DNM3: variants seen among roughly 807,000 people sequenced by gnomAD.
DNM3 encodes dynamin 3.
A neutral mutation model predicts 101.6 loss-of-function variants in DNM3; 47 were observed. The ratio of observed to expected loss-of-function variants is 0.46; its 90% confidence interval spans 0.37 to 0.59. The LOEUF (loss-of-function observed/expected upper bound fraction) is 0.59, where lower values mean the gene tolerates loss of function less well. Among genes scored for constraint, DNM3 ranks in the 20% least tolerant of loss-of-function variants. The pLI, the probability that DNM3 is intolerant of heterozygous loss-of-function variation, is 0.00. For synonymous variants in DNM3, 385 were observed against 387.9 expected (o/e 0.99, Z 0.09); for missense variants, 849 against 1,085.7 (o/e 0.78, Z 3.06).
chr1:171,879,186 G>A (rs2036045231), intron 1 of DNM3, among the ~76,000 whole-genome samples: 1 of 152,152 alleles, frequency 6.6e-6, no homozygotes, highest in South Asian at 2.1e-4. Flanking sequence ...GAAAGGTGCT[G>A]TTTTAGTTGT....
chr1:172,342,276 T>G (rs1037560714), intron 17 of DNM3, among the ~76,000 whole-genome samples: 1 of 152,152 alleles, frequency 6.6e-6, no homozygotes, highest in East Asian at 1.9e-4. Flanking sequence ...CAAAGGAATA[T>G]AAATTGTTCT....
At chr1:172,243,318 T>C (rs2061818142) in intron 14 of DNM3, among the ~76,000 whole-genome samples, 1 of 152,150 alleles carries the variant, frequency 6.6e-6, no homozygotes, top group Non-Finnish European at 1.5e-5. Flanking sequence ...TTCAAGGATA[T>C]TAGCTGTATC....
intron 14 of DNM3, among the ~76,000 whole-genome samples, chr1:172,237,723 T>C (rs951747707): frequency 2.6e-5 from 4 of 152,190 alleles, no homozygotes; most frequent in Admixed American, 2.6e-4. Context: ...ATACATACAT[T>C]ATGCTTATTG....
intron 10 of DNM3, among the ~76,000 whole-genome samples, chr1:172,050,966 C>T (rs771717716): frequency 2.6e-5 from 4 of 152,224 alleles, no homozygotes; most frequent in African/African-American, 4.8e-5. Flanking sequence ...ACAGCTTGTT[C>T]CCAGACACTT....
At chr1:172,108,302 T>C (rs2055217493) in intron 13 of DNM3, among the ~76,000 whole-genome samples, 1 of 152,128 alleles carries the variant, frequency 6.6e-6, no homozygotes, top group Admixed American at 6.5e-5. Flanking sequence ...CCTTTTCTTT[T>C]TTCCCTCAGA....
chr1:172,066,229 GT>G (rs1227274939), intron 10 of DNM3, among the ~76,000 whole-genome samples: 4 of 152,134 alleles, frequency 2.6e-5, no homozygotes, highest in Admixed American at 2.6e-4. Flanking sequence ...GTGTGTGGAT[GT>G]GTCTTAGTCC....
chr1:172,155,445 A>G (rs1057190356), intron 14 of DNM3, among the ~76,000 whole-genome samples: 2 of 152,046 alleles, frequency 1.3e-5, no homozygotes, highest in African/African-American at 4.8e-5. Context: ...GGTTTATTTT[A>G]TATACTCTTA....
intron 2 of DNM3, among the ~76,000 whole-genome samples, chr1:171,948,447 T>G (rs2042299275): frequency 6.6e-6 from 1 of 152,150 alleles, no homozygotes; most frequent in African/African-American, 2.4e-5. Flanking sequence ...TTTAGGTTTT[T>G]GGGTGCTTGA....
At chr1:172,319,054 A>G (rs1182959154) in intron 16 of DNM3, among the ~76,000 whole-genome samples, 1 of 152,138 alleles carries the variant, frequency 6.6e-6, no homozygotes, top group Non-Finnish European at 1.5e-5. Flanking sequence ...AGACCAATGG[A>G]ACAGAACAGA....
intron 14 of DNM3, among the ~76,000 whole-genome samples, chr1:172,181,342 G>A (rs937382623): frequency 4.0e-5 from 6 of 150,142 alleles, no homozygotes; most frequent in Admixed American, 3.3e-4. Context: ...TCCTCTTGAT[G>A]AATCCTTTCT....
At chr1:172,367,186 A>C (rs2068064785) in intron 17 of DNM3, among the ~76,000 whole-genome samples, 1 of 151,792 alleles carries the variant, frequency 6.6e-6, no homozygotes, top group Non-Finnish European at 1.5e-5. Flanking sequence ...CTAGGAAAGA[A>C]TGGGATGATA....
chr1:172,195,661 A>G (rs1012204268), intron 14 of DNM3, among the ~76,000 whole-genome samples: 22 of 152,076 alleles, frequency 1.4e-4, no homozygotes, highest in Middle Eastern at 3.4e-3. Context: ...TTTCTTCTGC[A>G]TCTATCGATA....
rs1484751002 is a variant in DNM3 at position 172,411,096 on chromosome 1, A to ATATATG, written c.*3265_*3270dup. 1.0e-6 allele frequency: 1 copy of ATATATG among 982,976 alleles called. No individual in the cohort carries two copies. The highest frequency in any genetic ancestry group is 1.2e-6 in the Non-Finnish European group (1 of 827,878). 60.9% of individuals were successfully genotyped at this position (982,976 alleles called of 1,614,324 possible). A position where few individuals can be genotyped will look rare whatever the true frequency, so the allele number is the denominator to read the frequency against. The stretch of plus-strand genomic sequence containing the variant: ...ATGTGCACTGTGTGTATATATATAA[A>ATATATG]TATATGTATATGTATGGTTGTAAAT... On this transcript the variant is annotated 3_prime_UTR_variant, in exon 21 of 21. Transcript: ENST00000627582.
intron 16 of DNM3, among the ~76,000 whole-genome samples, chr1:172,320,825 G>T (rs2065679651): frequency 6.6e-6 from 1 of 152,148 alleles, no homozygotes; most frequent in Admixed American, 6.6e-5. Flanking sequence ...TCACAAGCCT[G>T]CTCTCAGATG....
intron 14 of DNM3, among the ~76,000 whole-genome samples, chr1:172,242,507 A>G: frequency 6.6e-6 from 1 of 152,128 alleles, no homozygotes; most frequent in Non-Finnish European, 1.5e-5. Context: ...CAGTGGCATG[A>G]TCTCAGCTCA....
chr1:172,178,491 A>T (rs911543245), intron 14 of DNM3, among the ~76,000 whole-genome samples: 4 of 151,920 alleles, frequency 2.6e-5, no homozygotes, highest in African/African-American at 9.7e-5. Context: ...AGAGGGGAGT[A>T]GGAGGTTGAT....
chr1:172,042,269 T>C, intron 8 of DNM3, 125 bp downstream of exon 8: 1 of 888,266 alleles, frequency 1.1e-6, no homozygotes, highest in Non-Finnish European at 1.6e-6. Context: ...AACCTCCATA[T>C]TCAGGTAATG....
At chr1:172,381,956 T>C (rs2149064451) in intron 18 of DNM3, among the ~76,000 whole-genome samples, 1 of 152,314 alleles carries the variant, frequency 6.6e-6, no homozygotes, top group South Asian at 2.1e-4. Context: ...AAAGAATATG[T>C]TTCGGCCTTC....
intron 14 of DNM3, among the ~76,000 whole-genome samples, chr1:172,216,741 A>G (rs919915482): frequency 5.1e-4 from 77 of 150,370 alleles, no homozygotes; most frequent in Non-Finnish European, 7.2e-4. Flanking sequence ...TAGAGGGAAT[A>G]CACACACACA....
Sources: allele counts gnomAD v4.1 joint callset (sites outside exome capture counted in the v4.1 genomes callset), GRCh38; gene constraint gnomAD v4.1.1; transcripts MANE v1.5; gene names NCBI Gene and HGNC (gene_info 2026-07-23, HGNC 2026-07-21).